SLC9A9: variants seen among roughly 807,000 people sequenced by gnomAD.
SLC9A9 encodes sodium/hydrogen exchanger 9.
SLC9A9 carries 62 observed loss-of-function variants against 77.8 expected under a neutral mutation model. That is an observed-to-expected ratio of 0.80 (90% CI 0.65 to 0.98). SLC9A9 has a LOEUF of 0.98. Ranked by LOEUF, SLC9A9 falls within the 50% of genes least tolerant of loss-of-function variation. The pLI is 0.00. For synonymous variants in SLC9A9, 320 were observed against 283.5 expected, an observed-to-expected ratio of 1.13 and a Z score of -1.29; for missense variants, 775 against 774.9, an observed-to-expected ratio of 1.00 and a Z score of 0.00.
At chr3:143,353,145 C>G (rs1008751907) in intron 14 of SLC9A9, among the ~76,000 whole-genome samples, 4 of 152,192 alleles carry the variant, frequency 2.6e-5, no homozygotes, top group African/African-American at 7.2e-5. Flanking sequence ...CAACCCTGCT[C>G]CTTACAGATT....
At chr3:143,775,973 G>A (rs2007674946) in intron 4 of SLC9A9, among the ~76,000 whole-genome samples, 1 of 152,180 alleles carries the variant, frequency 6.6e-6, no homozygotes, top group Admixed American at 6.5e-5. Context: ...TGGTTAAAAA[G>A]CACTGGGATA....
chr3:143,394,981 C>T (rs997088001), intron 12 of SLC9A9, among the ~76,000 whole-genome samples: 15 of 152,286 alleles, frequency 9.8e-5, no homozygotes, highest in Non-Finnish European at 1.0e-4. Context: ...ATTCCATGCT[C>T]ATGGATAGGA....
rs1032313639 is a variant in SLC9A9, at chr3:143,829,413, T to C, written c.378+2606A>G. On this transcript the variant is annotated intron_variant, in intron 2 of 15. Transcript: ENST00000316549. ...GATACTCACTTACTGCAGTCTCACC[T>C]TCCAGTCCACCCTGCCCTGATGGCC... 2.6e-5 allele frequency among the ~76,000 whole-genome samples: 4 copies of C among 152,144 alleles called. No individual in the cohort carries two copies. The East Asian group carries it at 5.8e-4, about 22-fold the overall frequency.
intron 12 of SLC9A9, among the ~76,000 whole-genome samples, chr3:143,419,229 T>C (rs2034253167): frequency 6.6e-6 from 1 of 152,202 alleles, no homozygotes; most frequent in Non-Finnish European, 1.5e-5. Context: ...GCACTTACTA[T>C]GTGCCAGGCA....
intron 14 of SLC9A9, among the ~76,000 whole-genome samples, chr3:143,327,832 C>A (rs1258558653): frequency 6.6e-6 from 1 of 152,218 alleles, no homozygotes; most frequent in Non-Finnish European, 1.5e-5. Flanking sequence ...GGAAAAAAAT[C>A]ATGAGATCAT....
intron 4 of SLC9A9, among the ~76,000 whole-genome samples, chr3:143,790,355 C>T (rs1415003461): frequency 6.6e-6 from 1 of 152,202 alleles, no homozygotes. Flanking sequence ...CAACCACCTT[C>T]AGTAAGAAAA....
chr3:143,632,463 T>A (rs1252803376), intron 6 of SLC9A9, among the ~76,000 whole-genome samples: 1 of 152,074 alleles, frequency 6.6e-6, no homozygotes, highest in Non-Finnish European at 1.5e-5. Flanking sequence ...ACTTTTTGAG[T>A]GCATGTACCC....
At chr3:143,562,554 C>G (rs1354840653) in intron 8 of SLC9A9, among the ~76,000 whole-genome samples, 1 of 151,732 alleles carries the variant, frequency 6.6e-6, no homozygotes, top group African/African-American at 2.4e-5. Context: ...CTAATAAACT[C>G]TATGCTTAAT....
intron 6 of SLC9A9, among the ~76,000 whole-genome samples, chr3:143,616,826 A>G (rs564260252): frequency 6.6e-6 from 1 of 152,306 alleles, no homozygotes; most frequent in Non-Finnish European, 1.5e-5. Context: ...CTTGTTTGAC[A>G]TTGTTAAATT....
chr3:143,293,669 T>TTAC (rs1346014209), intron 14 of SLC9A9, among the ~76,000 whole-genome samples: 9 of 152,232 alleles, frequency 5.9e-5, no homozygotes, highest in Non-Finnish European at 1.2e-4. Flanking sequence ...TTTTAGCATG[T>TTAC]TACTGTCAAT....
At chr3:143,607,022 A>G (rs2037940309) in intron 6 of SLC9A9, among the ~76,000 whole-genome samples, 1 of 152,106 alleles carries the variant, frequency 6.6e-6, no homozygotes, top group Non-Finnish European at 1.5e-5. Context: ...ACCAGAGAGA[A>G]AAGACAGATT....
chr3:143,335,338 T>C (rs978601398), intron 14 of SLC9A9, among the ~76,000 whole-genome samples: 1 of 152,184 alleles, frequency 6.6e-6, no homozygotes, highest in African/African-American at 2.4e-5. Flanking sequence ...TGTTAAAATG[T>C]TTATACTGCC....
At chr3:143,516,484 G>A (rs753009360) in intron 9 of SLC9A9, among the ~76,000 whole-genome samples, 5 of 152,014 alleles carry the variant, frequency 3.3e-5, no homozygotes, top group Non-Finnish European at 7.4e-5. Flanking sequence ...AAACATTAAA[G>A]GATATAAATG....
intron 6 of SLC9A9, among the ~76,000 whole-genome samples, chr3:143,622,580 C>A (rs1257198978): frequency 6.6e-6 from 1 of 152,148 alleles, no homozygotes; most frequent in Non-Finnish European, 1.5e-5. Flanking sequence ...GATTTTGTCA[C>A]CACCAGGCCT....
At chr3:143,391,786 G>A (rs561698896) in intron 12 of SLC9A9, among the ~76,000 whole-genome samples, 13 of 152,278 alleles carry the variant, frequency 8.5e-5, no homozygotes, top group South Asian at 4.1e-4. Flanking sequence ...ACCATGGCAC[G>A]AGAACTATGG....
chr3:143,530,670 C>CAA (rs772355653), intron 9 of SLC9A9, among the ~76,000 whole-genome samples: 2 of 141,948 alleles, frequency 1.4e-5, no homozygotes, highest in African/African-American at 4.9e-5. Context: ...AACAAACAAA[C>CAA]AAACAAAAAC....
At chr3:143,461,451 G>T (rs2035190302) in intron 12 of SLC9A9, among the ~76,000 whole-genome samples, 1 of 152,136 alleles carries the variant, frequency 6.6e-6, no homozygotes, top group African/African-American at 2.4e-5. Context: ...GTAAGAAAAG[G>T]CTCATAGGTA....
At chr3:143,414,790 G>A (rs144011156) in intron 12 of SLC9A9, among the ~76,000 whole-genome samples, 43 of 152,288 alleles carry the variant, frequency 2.8e-4, no homozygotes, top group African/African-American at 1.0e-3. Flanking sequence ...TAAGTGAAAG[G>A]AAGAGTCACA....
intron 1 of SLC9A9, among the ~76,000 whole-genome samples, chr3:143,841,870 C>T (rs960322681): frequency 6.6e-5 from 10 of 151,856 alleles, no homozygotes; most frequent in Admixed American, 4.6e-4. Flanking sequence ...TCTCCTGCCT[C>T]GGCCTCCCGA....
Sources: allele counts gnomAD v4.1 joint callset (sites outside exome capture counted in the v4.1 genomes callset), GRCh38; gene constraint gnomAD v4.1.1; transcripts MANE v1.5; gene names NCBI Gene and HGNC (gene_info 2026-07-23, HGNC 2026-07-21).